RPS6KC1: variants seen among roughly 807,000 people sequenced by gnomAD.
RPS6KC1 encodes the protein ribosomal protein S6 kinase C1, also known as inactive ribosomal protein S6 kinase delta-1.
RPS6KC1 carries 54 observed loss-of-function variants against 103.8 expected under a neutral mutation model. The ratio of observed to expected loss-of-function variants is 0.52; its 90% CI spans 0.42 to 0.65. The LOEUF is 0.65. Among genes scored for constraint, RPS6KC1 ranks in the 30% least tolerant of loss-of-function variants. The pLI is 0.00. For missense variants in RPS6KC1, 1,151 were observed against 1,253.8 expected, an observed-to-expected ratio of 0.92 and a Z score of 1.24; for synonymous variants, 439 against 438.7, an observed-to-expected ratio of 1.00 and a Z score of -0.01.
At chr1:213,278,462 T>G (rs1438267714), downstream of RPS6KC1, among the ~76,000 whole-genome samples, 2 of 152,230 alleles carry the variant, frequency 1.3e-5, no homozygotes, top group African/African-American at 2.4e-5. Context: ...GTAGAACACT[T>G]GAGTCTCTCA....
At chr1:213,099,350 A>G (rs925947737) in intron 3 of RPS6KC1, among the ~76,000 whole-genome samples, 4 of 152,174 alleles carry the variant, frequency 2.6e-5, no homozygotes, top group Admixed American at 2.6e-4. Flanking sequence ...AAGTTGAAAG[A>G]TGTGGACAGT....
intron 6 of RPS6KC1, among the ~76,000 whole-genome samples, chr1:213,139,377 T>A (rs2086755210): frequency 6.6e-6 from 1 of 152,144 alleles, no homozygotes; most frequent in African/African-American, 2.4e-5. Context: ...GTGTTTTTGT[T>A]GCAAATTTTT....
the RPS6KC1 span, among the ~76,000 whole-genome samples, chr1:213,380,805 A>T: frequency 1.3e-5 from 2 of 152,160 alleles, no homozygotes; most frequent in South Asian, 2.1e-4. Flanking sequence ...TATTTCCGCC[A>T]TCCGCAGCTC....
the RPS6KC1 span, among the ~76,000 whole-genome samples, chr1:213,774,724 G>A: frequency 3.3e-5 from 5 of 152,180 alleles, no homozygotes; most frequent in African/African-American, 1.2e-4. Flanking sequence ...TTGGGAAAAA[G>A]ATTGAAATTA....
At chr1:213,830,224 GAACTTGGCTAATGTATTTTGT>G in the RPS6KC1 span, among the ~76,000 whole-genome samples, 1 of 152,078 alleles carries the variant, frequency 6.6e-6, no homozygotes, top group African/African-American at 2.4e-5. Flanking sequence ...CAGAAACGAA[GAACTTGGCTAATGTATTTTGT>G]CATTTTTATG....
chr1:213,536,215 A>G, the RPS6KC1 span, among the ~76,000 whole-genome samples: 1 of 152,176 alleles, frequency 6.6e-6, no homozygotes, highest in South Asian at 2.1e-4. Context: ...TATGCTGCAT[A>G]AAACGGAGTA....
the RPS6KC1 span, among the ~76,000 whole-genome samples, chr1:213,287,246 G>A: frequency 1.3e-5 from 2 of 149,580 alleles, no homozygotes; most frequent in Non-Finnish European, 3.0e-5. Context: ...GTGTGTGTGT[G>A]TGTGTGTGTG....
intron 8 of RPS6KC1, among the ~76,000 whole-genome samples, chr1:213,218,374 TACAA>T (rs1452131336): frequency 1.3e-5 from 2 of 151,764 alleles, no homozygotes; most frequent in Admixed American, 6.6e-5. Context: ...TAAAAGAGGA[TACAA>T]ACAAATGGAA....
intron 8 of RPS6KC1, among the ~76,000 whole-genome samples, chr1:213,219,862 TG>T (rs569654719): frequency 1.4e-4 from 5 of 36,786 alleles, no homozygotes; most frequent in Admixed American, 3.1e-4. Context: ...TGTTGTGGGG[TG>T]GGGGGAGGGG....
chr1:213,808,829 C>T, the RPS6KC1 span, among the ~76,000 whole-genome samples: 4 of 152,208 alleles, frequency 2.6e-5, no homozygotes, highest in Admixed American at 6.5e-5. Flanking sequence ...GAGATGAACC[C>T]GGTACCTCAG....
At chr1:213,728,948 G>GTTTTTTTTTTTTTT in the RPS6KC1 span, among the ~76,000 whole-genome samples, 6 of 91,288 alleles carry the variant, frequency 6.6e-5, no homozygotes, top group Non-Finnish European at 8.3e-5. Flanking sequence ...TTTTTTTTTT[G>GTTTTTTTTTTTTTT]TTTTTTTTTT....
the RPS6KC1 span, among the ~76,000 whole-genome samples, chr1:213,854,508 T>TTCTC: frequency 7.5e-6 from 1 of 134,018 alleles, no homozygotes; most frequent in African/African-American, 2.7e-5. Flanking sequence ...ATCTCTTTCT[T>TTCTC]TCTCTTTCTT....
the RPS6KC1 span, among the ~76,000 whole-genome samples, chr1:213,851,322 C>G: frequency 6.6e-6 from 1 of 152,298 alleles, no homozygotes; most frequent in South Asian, 2.1e-4. Context: ...CAACCTCTCC[C>G]TCTTTGCAGG....
At chr1:213,360,350 G>A in the RPS6KC1 span, among the ~76,000 whole-genome samples, 4 of 152,064 alleles carry the variant, frequency 2.6e-5, no homozygotes, top group Admixed American at 6.5e-5. Flanking sequence ...TGATTGAATC[G>A]GCTACTGAAG....
At chr1:213,111,749 G>C (rs1194000974) in intron 4 of RPS6KC1, among the ~76,000 whole-genome samples, 2 of 152,172 alleles carry the variant, frequency 1.3e-5, no homozygotes, top group Non-Finnish European at 2.9e-5. Context: ...CCTAGTGGTA[G>C]AAGAGGTAGT....
At chr1:213,556,678 G>T in the RPS6KC1 span, among the ~76,000 whole-genome samples, 5 of 152,198 alleles carry the variant, frequency 3.3e-5, no homozygotes, top group Non-Finnish European at 7.3e-5. Flanking sequence ...AACACAACAA[G>T]CCAGGCATCA....
chr1:213,297,609 T>C, the RPS6KC1 span, among the ~76,000 whole-genome samples: 1 of 152,122 alleles, frequency 6.6e-6, no homozygotes, highest in Non-Finnish European at 1.5e-5. Flanking sequence ...AATAACTATA[T>C]GTGGTTTGGG....
the RPS6KC1 span, among the ~76,000 whole-genome samples, chr1:213,566,442 T>G: frequency 1.6e-4 from 3 of 18,376 alleles, no homozygotes; most frequent in Non-Finnish European, 2.8e-4. Flanking sequence ...CTTTAGTTTT[T>G]TTTTTTTTTT....
intron 8 of RPS6KC1, among the ~76,000 whole-genome samples, chr1:213,191,169 C>G (rs1242081815): frequency 2.0e-5 from 3 of 152,058 alleles, no homozygotes; most frequent in Non-Finnish European, 4.4e-5. Context: ...ATTGCCTTTT[C>G]TATTTCTGTG....
Sources: allele counts gnomAD v4.1 joint callset (sites outside exome capture counted in the v4.1 genomes callset), GRCh38; gene constraint gnomAD v4.1.1; transcripts MANE v1.5; gene names NCBI Gene and HGNC (gene_info 2026-07-23, HGNC 2026-07-21).